Variants in ZNF117 observed in about 807,000 individuals in gnomAD.
The protein encoded by ZNF117 is zinc finger protein 117.
A neutral mutation model predicts 41.2 loss-of-function variants in ZNF117; 37 were observed. The ratio of observed to expected loss-of-function variants is 0.90; its 90% CI spans 0.69 to 1.18. The LOEUF (loss-of-function observed/expected upper bound fraction) is 1.18, where lower values mean the gene tolerates loss of function less well. Among genes scored for constraint, ZNF117 ranks in the 50% most tolerant of loss-of-function variants. The pLI is 0.00. For missense variants in ZNF117, 546 were observed against 557.5 expected (o/e 0.98, Z 0.21); for synonymous variants, 186 against 186.6 (o/e 1.00, Z 0.02).
At position 64,978,530 on chromosome 7, in the gene ZNF117, G is replaced by C. The variant is rs538881795; in HGVS notation, c.1041C>G (p.Asn347Lys). Residue 347 changes from asparagine (N) to lysine (K), a missense_variant, in exon 3 of 3, where the codon AAC (asparagine) becomes AAG (lysine). Coordinates refer to ENST00000620222, the Ensembl canonical transcript of ZNF117. The stretch of plus-strand genomic sequence containing the variant: ...TATGAATTACCTTATGTCTAGTAAG[G>C]TTTGAGAGTTGGTTAAAAGCTTTGC... The C allele has an allele frequency of 2.5e-6, 4 of 1,609,752 alleles. No individual in the cohort carries two copies. The African/African-American group carries it at 4.1e-5, about 16-fold the overall frequency.
downstream of ZNF117, chr7:64,972,249 AC>A (rs1785795795): frequency 6.6e-6 from 1 of 151,490 alleles, no homozygotes; most frequent in South Asian, 2.1e-4. Flanking sequence ...ACTATGAAAA[AC>A]AAAAATTTGT....
upstream of ZNF117, among the ~76,000 whole-genome samples, chr7:64,984,141 T>C (rs962557856): frequency 6.6e-6 from 1 of 152,110 alleles, no homozygotes; most frequent in African/African-American, 2.4e-5. Flanking sequence ...AAGAACACTT[T>C]TTTTTTTTGA....
chr7:64,979,591 C>G (rs1315435503), intron 2 of ZNF117, 55 bp from the exon 4 acceptor site: 14 of 1,308,704 alleles, frequency 1.1e-5, no homozygotes, highest in Admixed American at 6.1e-5. Context: ...GATGAATATA[C>G]TTTACAAATC....
upstream of ZNF117, among the ~76,000 whole-genome samples, chr7:64,982,344 G>C (rs1256612407): frequency 6.6e-6 from 1 of 152,144 alleles, no homozygotes; most frequent in East Asian, 1.9e-4. Flanking sequence ...CAACATCTGT[G>C]TATATATGGT....
At chr7:64,972,259 G>C (rs1785795935), downstream of ZNF117, 1 of 149,326 alleles carries the variant, frequency 6.7e-6, no homozygotes, top group African/African-American at 2.5e-5. Context: ...ACAAAAATTT[G>C]TCAAAAAATT....
At chr7:64,975,571 C>CTTTCTT (rs1446704385) in exon 3 of ZNF117, 1 of 57,818 alleles carries the variant, frequency 1.7e-5, no homozygotes, top group East Asian at 4.2e-4. Flanking sequence ...TGATCACATG[C>CTTTCTT]TTTCACATGT....
At chr7:64,975,688 T>C (rs1283909546) in exon 3 of ZNF117, 3 of 152,164 alleles carry the variant, frequency 2.0e-5, no homozygotes, top group Non-Finnish European at 2.9e-5. Flanking sequence ...TTAAATGTAA[T>C]TATAACTAAA....
exon 3 of ZNF117, chr7:64,974,924 T>A (rs1785847679): frequency 6.6e-6 from 1 of 151,976 alleles, no homozygotes; most frequent in African/African-American, 2.4e-5. Flanking sequence ...TATGCCTGTA[T>A]CAAAATATGC....
chr7:64,978,016 GTT>G, exon 3 of ZNF117: 1 of 1,338,354 alleles, frequency 7.5e-7, no homozygotes, highest in Non-Finnish European at 1.0e-6. Flanking sequence ...ATCATCTTAT[GTT>G]TAGTAAGGGT....
chr7:64,971,852 A>T (rs1355683434), downstream of ZNF117: 1 of 152,114 alleles, frequency 6.6e-6, no homozygotes, highest in Non-Finnish European at 1.5e-5. Context: ...AGATTACTTG[A>T]AATTAAAAAG....
exon 3 of ZNF117, chr7:64,978,566 A>G (rs1785951068): frequency 6.2e-7 from 1 of 1,613,162 alleles, no homozygotes; most frequent in African/African-American, 1.3e-5. Context: ...CACATTCCTC[A>G]CATTTGTAGG....
upstream of ZNF117, among the ~76,000 whole-genome samples, chr7:64,983,965 C>T (rs1786084581): frequency 6.6e-6 from 1 of 152,222 alleles, no homozygotes; most frequent in Admixed American, 6.5e-5. Context: ...TTTTTCTAAA[C>T]ACCCAAATTG....
At chr7:64,979,154 A>C in exon 3 of ZNF117, 1 of 1,605,676 alleles carries the variant, frequency 6.2e-7, no homozygotes, top group South Asian at 1.1e-5. Flanking sequence ...CATATGCTTC[A>C]CATTTGTAGA....
downstream of ZNF117, chr7:64,973,842 A>T (rs1785821783): frequency 6.6e-6 from 1 of 151,980 alleles, no homozygotes; most frequent in African/African-American, 2.4e-5. Context: ...CATGGAAAAA[A>T]AATGTTATCT....
intron 1 of ZNF117, among the ~76,000 whole-genome samples, chr7:64,989,687 C>G (rs572182269): frequency 9.9e-5 from 15 of 150,776 alleles, no homozygotes; most frequent in African/African-American, 3.6e-4. Context: ...AACCTACAGA[C>G]TAGAAGAAAA....
chr7:64,990,077 C>T (rs961692891), exon 1 of ZNF117: 4 of 151,946 alleles, frequency 2.6e-5, no homozygotes, highest in Non-Finnish European at 4.4e-5. Context: ...TCTCAGAAAA[C>T]AACAACAACA....
At chr7:64,972,956 G>A (rs545452752), downstream of ZNF117, 1 of 152,116 alleles carries the variant, frequency 6.6e-6, no homozygotes, top group South Asian at 2.1e-4. Context: ...GGCAGCTGTT[G>A]CTTATGGTCT....
upstream of ZNF117, among the ~76,000 whole-genome samples, chr7:64,982,947 G>A (rs756472626): frequency 6.6e-6 from 1 of 152,150 alleles, no homozygotes; most frequent in African/African-American, 2.4e-5. Context: ...TCACTGCTGC[G>A]ATATTGATCT....
In ZNF117 at chr7:64,990,131, A is replaced by C. The variant is rs920510032; in HGVS notation, c.-380T>G. Reference sequence around the variant, plus strand: ...ACCTAATTAAAAAGTAAGCAAAAACATGAACAGATACTTTTCAAAAGAAGA... The same window carrying C: ...ACCTAATTAAAAAGTAAGCAAAAACCTGAACAGATACTTTTCAAAAGAAGA... On this transcript the variant is annotated 5_prime_UTR_variant, in exon 1 of 4. The change abolishes an upstream ATG in the 5' untranslated region. Coordinates refer to the ZNF117 transcript ENST00000282869. The C allele has an allele frequency of 6.6e-6, 1 of 152,206 alleles. No homozygotes were observed. Among genetic ancestry groups the C allele is most frequent in the Non-Finnish European group, 1.5e-5 (1 of 68,048 alleles). The allele number at this position is 152,206 out of a possible 1,614,324, so 9.4% of individuals were successfully genotyped here.
Sources: gnomAD v4.1 joint callset for allele counts (sites outside exome capture counted in the v4.1 genomes callset) on GRCh38, gnomAD v4.1.1 for gene constraint, MANE v1.5 for transcripts, NCBI Gene and HGNC (gene_info 2026-07-23, HGNC 2026-07-21) for gene names.